FAM210A: variants seen among roughly 807,000 people sequenced by gnomAD.
The protein encoded by FAM210A is mitochondrial inner membrane scaffold 1.
Under a neutral mutation model 25.3 loss-of-function variants are expected in FAM210A, and 13 were observed. The ratio of observed to expected loss-of-function variants is 0.51; its 90% confidence interval spans 0.33 to 0.82. FAM210A has a LOEUF of 0.82. FAM210A is among the 40% of genes least tolerant of loss of function. The pLI is 0.02. For synonymous variants in FAM210A, 125 were observed against 118.7 expected, an observed-to-expected ratio of 1.05 and a Z score of -0.35; for missense variants, 319 against 323.2, an observed-to-expected ratio of 0.99 and a Z score of 0.10.
At chr18:13,685,621 C>G (rs1265416342) in intron 1 of FAM210A, among the ~76,000 whole-genome samples, 2 of 152,094 alleles carry the variant, frequency 1.3e-5, no homozygotes, top group African/African-American at 4.8e-5. Context: ...CCCATATGCC[C>G]CCACTTTGAA....
intron 1 of FAM210A, among the ~76,000 whole-genome samples, chr18:13,712,973 T>C (rs1016079557): frequency 6.6e-6 from 1 of 152,176 alleles, no homozygotes; most frequent in Non-Finnish European, 1.5e-5. Context: ...AGTAGCTCAT[T>C]TGCCGCCCTG....
intron 1 of FAM210A, among the ~76,000 whole-genome samples, chr18:13,715,763 T>C (rs919954086): frequency 1.3e-5 from 2 of 152,238 alleles, no homozygotes; most frequent in Non-Finnish European, 2.9e-5. Flanking sequence ...CTAAGTAGTA[T>C]CAAACATTAT....
At chr18:13,711,426 A>G (rs2043820493) in intron 1 of FAM210A, among the ~76,000 whole-genome samples, 1 of 152,108 alleles carries the variant, frequency 6.6e-6, no homozygotes, top group South Asian at 2.1e-4. Context: ...CAAAATAAAC[A>G]AAACAAAAAA....
chr18:13,693,205 C>T (rs1266137001), intron 1 of FAM210A, among the ~76,000 whole-genome samples: 1 of 152,114 alleles, frequency 6.6e-6, no homozygotes, highest in Non-Finnish European at 1.5e-5. Context: ...CAGGAAGACA[C>T]TGAATCCCTG....
chr18:13,667,073 A>G (rs769030816), intron 3 of FAM210A, among the ~76,000 whole-genome samples: 4 of 152,238 alleles, frequency 2.6e-5, no homozygotes, highest in Non-Finnish European at 5.9e-5. Context: ...ATTCCTTAAA[A>G]GCCCTGCCAT....
chr18:13,702,031 G>C (rs79433167), intron 1 of FAM210A, among the ~76,000 whole-genome samples: 1,876 of 152,310 alleles, frequency 0.012, 42 homozygotes, highest in African/African-American at 0.04. Context: ...GCAAAATTAA[G>C]AGACTTTTAC....
At chr18:13,686,638 G>T (rs2043599361) in intron 1 of FAM210A, among the ~76,000 whole-genome samples, 1 of 152,088 alleles carries the variant, frequency 6.6e-6, no homozygotes, top group South Asian at 2.1e-4. Flanking sequence ...CTTGTTTCAG[G>T]TTGACACCCA....
chr18:13,722,849 CT>C (rs10560002), intron 1 of FAM210A, among the ~76,000 whole-genome samples: 50,801 of 145,052 alleles, frequency 0.35, 10,048 homozygotes, highest in East Asian at 0.82. Flanking sequence ...TCTTTCCTTT[CT>C]TTTTTTTTTT....
intron 2 of FAM210A, 25 bp downstream of exon 2, chr18:13,681,580 G>A: frequency 6.6e-7 from 1 of 1,521,670 alleles, no homozygotes; most frequent in Non-Finnish European, 8.9e-7. Context: ...GACAGGGAAA[G>A]ACATTCAACT....
chr18:13,726,157 G>A (rs1380667181), intron 1 of FAM210A, among the ~76,000 whole-genome samples, 172 bp downstream of exon 1: 2 of 152,046 alleles, frequency 1.3e-5, no homozygotes, highest in Non-Finnish European at 1.5e-5. Context: ...CTGTGGGGTC[G>A]GCGAGTGTGG....
chr18:13,700,406 T>C (rs1006881163), intron 1 of FAM210A, among the ~76,000 whole-genome samples: 4 of 152,216 alleles, frequency 2.6e-5, no homozygotes, highest in South Asian at 2.1e-4. Flanking sequence ...GCTGTTCCTA[T>C]AGACAGAATC....
At chr18:13,713,397 C>T (rs1034262296) in intron 1 of FAM210A, among the ~76,000 whole-genome samples, 3 of 152,166 alleles carry the variant, frequency 2.0e-5, no homozygotes, top group Non-Finnish European at 4.4e-5. Context: ...TCTTAGTCCT[C>T]CTCTTCCTTA....
chr18:13,702,495 C>T (rs1002026757), intron 1 of FAM210A, among the ~76,000 whole-genome samples: 6 of 152,214 alleles, frequency 3.9e-5, no homozygotes, highest in African/African-American at 7.2e-5. Flanking sequence ...AGGTCTCCAT[C>T]GTGTTTTATT....
At chr18:13,718,621 A>T (rs1017436116) in intron 1 of FAM210A, among the ~76,000 whole-genome samples, 1 of 152,170 alleles carries the variant, frequency 6.6e-6, no homozygotes. Flanking sequence ...CCTGAAAATA[A>T]AGGATTGAGA....
chr18:13,682,198 T>TA, intron 1 of FAM210A, 93 bp from the exon 2 acceptor site: 1 of 833,980 alleles, frequency 1.2e-6, no homozygotes, highest in Admixed American at 2.9e-5. Flanking sequence ...CATTAGGAAG[T>TA]AAAAAGACAG....
At chr18:13,676,385 C>G (rs8088925) in intron 2 of FAM210A, among the ~76,000 whole-genome samples, 2 of 97,872 alleles carry the variant, frequency 2.0e-5, no homozygotes, top group African/African-American at 6.7e-5. Flanking sequence ...ATTATTAACA[C>G]TCCTGAGCCC....
intron 1 of FAM210A, among the ~76,000 whole-genome samples, chr18:13,715,703 C>T (rs949474926): frequency 2.6e-5 from 4 of 152,154 alleles, no homozygotes; most frequent in African/African-American, 7.2e-5. Flanking sequence ...TTTGTACTTT[C>T]TTAATGGAAA....
At chr18:13,703,191 T>G (rs117590395) in intron 1 of FAM210A, among the ~76,000 whole-genome samples, 2,703 of 152,332 alleles carry the variant, frequency 0.018, 30 homozygotes, top group Middle Eastern at 0.061. Flanking sequence ...TATCAGCAAT[T>G]ACTTCACATT....
chr18:13,721,042 A>AT (rs1484796273), intron 1 of FAM210A, among the ~76,000 whole-genome samples: 1 of 152,098 alleles, frequency 6.6e-6, no homozygotes, highest in African/African-American at 2.4e-5. Context: ...ATCTAATTAC[A>AT]TTTTTAACTA....
Sources: allele counts gnomAD v4.1 joint callset (sites outside exome capture counted in the v4.1 genomes callset), GRCh38; gene constraint gnomAD v4.1.1; transcripts MANE v1.5; gene names NCBI Gene and HGNC (gene_info 2026-07-23, HGNC 2026-07-21).